The following RAD51C variants were observed in gnomAD, a reference collection of about 807,000 sequenced individuals.
RAD51C encodes the protein RAD51 paralog C.
Under a neutral mutation model 45.0 loss-of-function variants are expected in RAD51C, and 42 were observed. The observed-to-expected ratio is 0.93, with a 90% CI of 0.73 to 1.21. The LOEUF is 1.21. RAD51C is among the 50% of genes most tolerant of loss of function. The pLI is 0.00. For synonymous variants in RAD51C, 172 were observed against 159.8 expected, an observed-to-expected ratio of 1.08 and a Z score of -0.58; for missense variants, 474 against 452.2, an observed-to-expected ratio of 1.05 and a Z score of -0.44.
intron 2 of RAD51C, 88 bp downstream of exon 2, chr17:58,695,277 GAT>G: frequency 2.0e-6 from 3 of 1,489,620 alleles, no homozygotes; most frequent in Non-Finnish European, 2.7e-6. Context: ...AACCAAATAA[GAT>G]ATATATGTGC....
chr17:58,703,174 T>G lies in RAD51C; in HGVS notation c.572-22T>G, dbSNP rs756889526. On this transcript the variant is annotated intron_variant, in intron 3 of 8. Coordinates refer to ENST00000337432, the MANE Select transcript of RAD51C (RefSeq NM_058216.3). ...ATACATCCAAACAGGTAAAACTAAT[T>G]AAGAGTGTTTTGTTGTTTCAGAACA... The G allele has an allele frequency of 2.1e-5, 33 of 1,607,900 alleles. No homozygotes were observed. Among genetic ancestry groups the G allele is most frequent in the Non-Finnish European group, 2.8e-5 (33 of 1,174,924 alleles).
At chr17:58,715,262 GC>G (rs929395235) in intron 5 of RAD51C, among the ~76,000 whole-genome samples, 6 of 151,880 alleles carry the variant, frequency 4.0e-5, no homozygotes, top group Non-Finnish European at 5.9e-5. Flanking sequence ...AACCAGCCTG[GC>G]CAACATGGTG....
At chr17:58,716,154 A>G (rs1412298666) in intron 5 of RAD51C, among the ~76,000 whole-genome samples, 1 of 151,974 alleles carries the variant, frequency 6.6e-6, no homozygotes, top group East Asian at 1.9e-4. Context: ...GCATAATCAC[A>G]TACTAATTTT....
intron 5 of RAD51C, among the ~76,000 whole-genome samples, chr17:58,717,116 C>G (rs2143904771): frequency 6.6e-6 from 1 of 150,624 alleles, no homozygotes; most frequent in South Asian, 2.2e-4. Flanking sequence ...CTTTTAAAAG[C>G]TACACCTGGG....
At chr17:58,725,914 C>CCCAG (rs1476992862) in intron 7 of RAD51C, among the ~76,000 whole-genome samples, 1 of 151,618 alleles carries the variant, frequency 6.6e-6, no homozygotes, top group Non-Finnish European at 1.5e-5. Flanking sequence ...ATCACTTGAA[C>CCCAG]CCAGGAGGCG....
At position 58,695,201 on chromosome 17, in the gene RAD51C, T is replaced by G; in HGVS notation, c.404+12T>G. 1 of 1,607,316 alleles carries G rather than the reference T, an allele frequency of 6.2e-7. No homozygotes were observed. On this transcript the variant is annotated intron_variant, in intron 2 of 8. Transcript: ENST00000337432. Reference sequence around the variant, plus strand: ...AAAACACAATTATGGTAAAATAAAGTGTTCTCCTTTTAAGGGTGGGTTTAA... The same window carrying G: ...AAAACACAATTATGGTAAAATAAAGGGTTCTCCTTTTAAGGGTGGGTTTAA...
At chr17:58,728,992 C>T (rs1160931216) in intron 7 of RAD51C, among the ~76,000 whole-genome samples, 2 of 152,174 alleles carry the variant, frequency 1.3e-5, no homozygotes, top group African/African-American at 4.8e-5. Flanking sequence ...AACACCCCCA[C>T]ACAGTGTTTC....
At chr17:58,697,540 TA>T (rs34530914) in intron 3 of RAD51C, among the ~76,000 whole-genome samples, 3,446 of 103,916 alleles carry the variant, frequency 0.033, 61 homozygotes, top group Middle Eastern at 0.08. Context: ...CTCTGTCTCT[TA>T]AAAAAAAAAA....
rs1598449381 is a variant in RAD51C at position 58,692,742 on chromosome 17, G to C, written c.99G>C (p.Gln33His). The C allele has an allele frequency of 6.2e-7, 1 of 1,614,274 alleles. No homozygotes were observed. The highest frequency in any genetic ancestry group is 8.5e-7 in the Non-Finnish European group (1 of 1,180,052). Residue 33 changes from glutamine to histidine, a missense_variant, in exon 1 of 9, where the codon CAG becomes CAC. Transcript: ENST00000337432. ...VRVKLVSAGF[Q>H]TAEELLEVKP... ...TGAAGCTGGTGTCTGCGGGGTTCCA[G>C]ACTGCTGAGGAACTCCTAGAGGTGA...
intron 1 of RAD51C, 76 bp downstream of exon 1, chr17:58,692,864 GC>G: frequency 1.2e-6 from 2 of 1,605,162 alleles, no homozygotes; most frequent in African/African-American, 2.7e-5. Context: ...TCTCGCCTCG[GC>G]CTTCAGCCCA....
At chr17:58,698,075 G>C (rs941341801) in intron 3 of RAD51C, among the ~76,000 whole-genome samples, 4 of 149,346 alleles carry the variant, frequency 2.7e-5, no homozygotes, top group African/African-American at 9.9e-5. Flanking sequence ...ACAGTGGCGC[G>C]ATCTCGGCTC....
chr17:58,718,398 T>C (rs1456909044), intron 5 of RAD51C, among the ~76,000 whole-genome samples: 2 of 152,200 alleles, frequency 1.3e-5, no homozygotes, highest in Non-Finnish European at 2.9e-5. Flanking sequence ...TTTGCAATAT[T>C]AACTCTTTTT....
At chr17:58,699,428 A>G (rs190769417) in intron 3 of RAD51C, among the ~76,000 whole-genome samples, 9 of 151,942 alleles carry the variant, frequency 5.9e-5, no homozygotes, top group South Asian at 2.1e-4. Flanking sequence ...TTTCCTTTAA[A>G]TGAGTGTAGT....
chr17:58,702,755 TG>T (rs2048252657), intron 3 of RAD51C, among the ~76,000 whole-genome samples: 1 of 151,522 alleles, frequency 6.6e-6, no homozygotes, highest in Non-Finnish European at 1.5e-5. Context: ...CCCAGTGCTT[TG>T]GGAGGCTGGG....
chr17:58,721,313 G>C (rs1198250400), intron 6 of RAD51C, among the ~76,000 whole-genome samples: 1 of 152,066 alleles, frequency 6.6e-6, no homozygotes, highest in Admixed American at 6.6e-5. Context: ...GGCAACTGTT[G>C]TGTCAAAGAT....
intron 5 of RAD51C, among the ~76,000 whole-genome samples, chr17:58,715,828 G>A (rs1472529613): frequency 6.6e-6 from 1 of 152,132 alleles, no homozygotes; most frequent in Admixed American, 6.6e-5. Flanking sequence ...CTTTTGACCT[G>A]GCATGGTGGC....
Position 58,735,557 on chromosome 17 carries a change from A to T in RAD51C, c.*1335A>T, listed in dbSNP as rs1024194014. The T allele has an allele frequency of 1.9e-4, 29 of 151,972 alleles. No individual in the cohort carries two copies. Among genetic ancestry groups the T allele is most frequent in the African/African-American group, 7.0e-4 (29 of 41,348 alleles). 9.4% of individuals were successfully genotyped at this position (151,972 alleles called of 1,614,324 possible). A position where few individuals can be genotyped will look rare whatever the true frequency, so the allele number is the denominator to read the frequency against. On this transcript the variant is annotated 3_prime_UTR_variant, in exon 9 of 9. Coordinates refer to ENST00000337432, the MANE Select transcript of RAD51C (RefSeq NM_058216.3). Reference sequence around the variant, plus strand: ...CTAGAATTCTAGTTGTTATGTTGACATTTTTCTTTGAATAATCTTAACTTT... The same window carrying T: ...CTAGAATTCTAGTTGTTATGTTGACTTTTTTCTTTGAATAATCTTAACTTT...
At chr17:58,727,066 C>T (rs1432405928) in intron 7 of RAD51C, among the ~76,000 whole-genome samples, 1 of 151,650 alleles carries the variant, frequency 6.6e-6, no homozygotes, top group East Asian at 1.9e-4. Flanking sequence ...GTGATCCACC[C>T]GCCTCGGCCT....
At chr17:58,708,909 A>G (rs2048460989) in intron 4 of RAD51C, among the ~76,000 whole-genome samples, 1 of 151,768 alleles carries the variant, frequency 6.6e-6, no homozygotes, top group African/African-American at 2.4e-5. Context: ...TAGGAAACAT[A>G]AAAAGAACCC....
Sources: gnomAD v4.1 joint callset for allele counts (sites outside exome capture counted in the v4.1 genomes callset) on GRCh38, gnomAD v4.1.1 for gene constraint, MANE v1.5 for transcripts, NCBI Gene and HGNC (gene_info 2026-07-23, HGNC 2026-07-21) for gene names.